Variants in DIPK1B observed in about 807,000 individuals in gnomAD.
The protein encoded by DIPK1B is family with sequence similarity 69 member B.
Under a neutral mutation model 20.7 loss-of-function variants are expected in DIPK1B, and 17 were observed. That is an observed-to-expected ratio of 0.82 (90% CI 0.56 to 1.23). The LOEUF is 1.23. DIPK1B is among the 50% of genes most tolerant of loss of function. The pLI is 0.00. For synonymous variants in DIPK1B, 343 were observed against 276.5 expected (o/e 1.24, Z -2.39); for missense variants, 648 against 601.8 (o/e 1.08, Z -0.80).
chr9:136,722,537 C>G lies in DIPK1B; in HGVS notation c.483+236C>G, dbSNP rs1366090733. On this transcript the variant is annotated intron_variant, in intron 4 of 4. Transcript: ENST00000371692. ...GCTGGCAGCTGAGGTCGAGGGGAGG[C>G]TCCTGCAGTCAAGGGCCGTGTGTCC... is the stretch of plus-strand genomic sequence containing the variant. 2.2e-5 allele frequency: 13 copies of G among 596,858 alleles called. No homozygotes were observed. In the East Asian group the frequency reaches 3.7e-4, roughly 17 times the overall value. The allele number at this position is 596,858 out of a possible 1,614,324, so 37.0% of individuals were successfully genotyped here. A position where few individuals can be genotyped will look rare whatever the true frequency, so the allele number is the denominator to read the frequency against.
chr9:136,723,366 T>A lies in DIPK1B; in HGVS notation c.888T>A (p.Cys296Ter). The A allele has an allele frequency of 6.2e-7, 1 of 1,613,358 alleles. No individual in the cohort carries two copies. Among genetic ancestry groups the A allele is most frequent in the Non-Finnish European group, 8.5e-7 (1 of 1,179,842 alleles). Residue 296 changes from cysteine to a stop codon, truncating the protein, a stop_gained, in exon 5 of 5, where the codon TGT becomes TGA. Transcript: ENST00000371692. LOFTEE classifies it low-confidence loss of function (END_TRUNC). ...GCTCTTACGGGACTTTCTACATGTG[T>A]GAGACCACACTGGCCAACGTGGGCT... ...FHGSYGTFYM[C>*]ETTLANVGYT...
At position 136,721,992 on chromosome 9, in the gene DIPK1B, G is replaced by C. The variant is rs1239212667; in HGVS notation, c.270G>C (p.Glu90Asp). ...ACCTGTGTGAGCTGCATATGGTGGA[G>C]TGGAGGACCTGCCTCTCGGTGGCCC... ...CQDLCELHMV[E>D]WRTCLSVAPG... The change falls in exon 3 of 5, where the codon GAG becomes GAC. Residue 90 changes from glutamate (E) to aspartate (D), a missense_variant. Coordinates refer to ENST00000371692, the MANE Select transcript of DIPK1B (RefSeq NM_152421.4). The C allele has an allele frequency of 6.2e-7, 1 of 1,613,658 alleles. No homozygotes were observed. The highest frequency in any genetic ancestry group is 8.5e-7 in the Non-Finnish European group (1 of 1,179,976).
At chr9:136,713,930 C>T (rs1752442072) in intron 1 of DIPK1B, among the ~76,000 whole-genome samples, 1 of 152,232 alleles carries the variant, frequency 6.6e-6, no homozygotes, top group South Asian at 2.1e-4. Flanking sequence ...CTGTGCTGTT[C>T]CCATCCCCTG....
In DIPK1B at chr9:136,724,010, G is replaced by GTT; in HGVS notation, c.*237_*238insTT. The GTT allele has an allele frequency of 1.8e-6, 1 of 569,742 alleles. No individual in the cohort carries two copies. The highest frequency in any genetic ancestry group is 3.1e-6 in the Non-Finnish European group (1 of 318,600). 35.3% of individuals were successfully genotyped at this position (569,742 alleles called of 1,614,324 possible). On this transcript the variant is annotated 3_prime_UTR_variant, in exon 5 of 5. Coordinates refer to ENST00000371692, the MANE Select transcript of DIPK1B (RefSeq NM_152421.4). ...AAGGGGGTTTGTTACTCTGAAGAAC[G>GTT]TAATGTCAATAAACAGCTTTTATGT...
chr9:136,722,435 C>T, intron 4 of DIPK1B, 134 bp downstream of exon 4: 1 of 1,063,584 alleles, frequency 9.4e-7, no homozygotes, highest in South Asian at 1.6e-5. Context: ...ACCTCCCATC[C>T]CCCAGCCCCT....
intron 2 of DIPK1B, chr9:136,721,469 A>C: frequency 5.7e-6 from 1 of 174,836 alleles, no homozygotes; most frequent in Non-Finnish European, 1.2e-5. Flanking sequence ...AGTCAGGCAG[A>C]GAGCGCGCGT....
rs114959700 is a variant in DIPK1B at position 136,715,375 on chromosome 9, C to T, written c.64-2202C>T. Among the ~76,000 whole-genome samples, 1,232 of 152,284 alleles carry T rather than the reference C, an allele frequency of 8.1e-3. 18 individuals are homozygous for T. The highest frequency in any genetic ancestry group is 0.028 in the African/African-American group (1,168 of 41,562). ...AGCTTGGAGGCCTGCACCCTAGAGC[C>T]GGTGCCTGAGCCTCCTCAGGCCGGT... On this transcript the variant is annotated intron_variant, in intron 1 of 4. Transcript: ENST00000371692.
Position 136,723,509 on chromosome 9 carries a change from G to T in DIPK1B, c.1031G>T (p.Arg344Leu). The T allele has an allele frequency of 6.2e-7, 1 of 1,603,144 alleles. No individual in the cohort carries two copies. Among genetic ancestry groups the T allele is most frequent in the Non-Finnish European group, 8.5e-7 (1 of 1,175,080 alleles). Reference sequence around the variant, plus strand: ...CACAGCACCGACTGCACCTACGGGCGCGACTGCAGGGCCCCGTGTGACAGG... The same window carrying T: ...CACAGCACCGACTGCACCTACGGGCTCGACTGCAGGGCCCCGTGTGACAGG... ...CEHSTDCTYGRDCRAPCDRLM... is the reference protein window; with the variant it reads ...CEHSTDCTYGLDCRAPCDRLM... Residue 344 changes from arginine to leucine, a missense_variant, in exon 5 of 5, where the codon CGC (arginine) becomes CTC (leucine). Physicochemically the swap from Arg to Leu is moderately radical, Grantham distance 102 (BLOSUM62 -2). Coordinates refer to ENST00000371692, the MANE Select transcript of DIPK1B (RefSeq NM_152421.4).
Position 136,713,589 on chromosome 9 carries a change from C to T in DIPK1B, c.63+861C>T, listed in dbSNP as rs141005797. ...TTGGGGCTTCAGGTTGTGGTGGTCC[C>T]GGCTCAGCCTTGGGGCAGGGTGAGA... On this transcript the variant is annotated intron_variant, in intron 1 of 4. Transcript: ENST00000371692. Among the ~76,000 whole-genome samples the T allele has an allele frequency of 2.9e-3, 444 of 152,350 alleles. 3 individuals are homozygous for T. Among genetic ancestry groups the T allele is most frequent in the African/African-American group, 0.01 (426 of 41,592 alleles).
chr9:136,719,648 CAGCCTCTGAGGA>C (rs1217108294), intron 2 of DIPK1B, among the ~76,000 whole-genome samples: 1 of 152,210 alleles, frequency 6.6e-6, no homozygotes, highest in African/African-American at 2.4e-5. Flanking sequence ...ACGCCCGCCT[CAGCCTCTGAGGA>C]AGCCTCTCCA....
At chr9:136,720,296 C>T (rs1245499693) in intron 2 of DIPK1B, among the ~76,000 whole-genome samples, 4 of 152,198 alleles carry the variant, frequency 2.6e-5, no homozygotes, top group South Asian at 2.1e-4. Flanking sequence ...GCGGGGTCCT[C>T]GGCCTCCAGT....
chr9:136,721,853 G>A, intron 2 of DIPK1B, 68 bp from the exon 3 acceptor site: 13 of 1,463,232 alleles, frequency 8.9e-6, no homozygotes, highest in Non-Finnish European at 1.2e-5. Flanking sequence ...CTTCGGGCCT[G>A]TGGGCAGGGG....
At chr9:136,721,860 G>T in intron 2 of DIPK1B, 61 bp from the exon 3 acceptor site, 1 of 1,503,820 alleles carries the variant, frequency 6.6e-7, no homozygotes, top group Non-Finnish European at 9.2e-7. Context: ...CCTGTGGGCA[G>T]GGGCTCAGTG....
In DIPK1B at chr9:136,723,592, C is replaced by T. The variant is rs942393299; in HGVS notation, c.1114C>T (p.Leu372=). The change falls in exon 5 of 5, where the codon CTG becomes TTG. Residue 372 remains leucine, a synonymous_variant. Transcript: ENST00000371692. ...IQPNLAKVCA[L]LRGYLLPGAP... is the part of the protein sequence containing the mutation. ...GCCCAACCTGGCCAAGGTGTGCGCA[C>T]TGCTACGGGGCTACCTGCTGCCTGG... The T allele has an allele frequency of 3.1e-6, 5 of 1,594,112 alleles. No individual in the cohort carries two copies. In the African/African-American group the frequency reaches 5.4e-5, roughly 17 times the overall value.
In DIPK1B at chr9:136,722,162, T is replaced by A; in HGVS notation, c.344T>A (p.Ile115Asn). 6.2e-7 allele frequency: 1 copy of A among 1,613,788 alleles called. No homozygotes were observed. The highest frequency in any genetic ancestry group is 8.5e-7 in the Non-Finnish European group (1 of 1,179,910). The change falls in exon 4 of 5, where the codon ATC becomes AAC. Residue 115 changes from isoleucine to asparagine, a missense_variant. Ile to Asn is a moderately radical substitution (Grantham distance 149, BLOSUM62 -3). Transcript: ENST00000371692. Reference protein sequence around the residue: ...SGLWRDKDVTIKCGIEETLDS... With the variant: ...SGLWRDKDVTNKCGIEETLDS... Reference sequence around the variant, plus strand: ...CTCTGGCGGGACAAGGATGTAACCATCAAGTGTGGCATTGAGGAGACCCTC... The same window carrying A: ...CTCTGGCGGGACAAGGATGTAACCAACAAGTGTGGCATTGAGGAGACCCTC...
chr9:136,723,086 G>GT lies in DIPK1B; in HGVS notation c.609dup (p.Asn204Ter). On this transcript the variant is annotated frameshift_variant, in exon 5 of 5. Coordinates refer to ENST00000371692, the MANE Select transcript of DIPK1B (RefSeq NM_152421.4). LOFTEE classifies it low-confidence loss of function (END_TRUNC). Reference sequence around the variant, plus strand: ...AAGTCCGTGTGGGCCCTGCTGCAGCGTAACGAGTTCCTGCTGCTGCTGTCC... The same window carrying GT: ...AAGTCCGTGTGGGCCCTGCTGCAGCGTTAACGAGTTCCTGCTGCTGCTGTCC... 6.2e-7 allele frequency: 1 copy of GT among 1,613,626 alleles called. No individual in the cohort carries two copies. The highest frequency in any genetic ancestry group is 1.3e-5 in the African/African-American group (1 of 75,072).
rs1018279205 is a variant in DIPK1B, at chr9:136,712,808, C to T, written c.63+80C>T. 4.8e-6 allele frequency: 5 copies of T among 1,041,580 alleles called. No homozygotes were observed. Among genetic ancestry groups the T allele is most frequent in the Non-Finnish European group, 6.1e-6 (5 of 814,926 alleles). 64.5% of individuals were successfully genotyped at this position (1,041,580 alleles called of 1,614,324 possible). On this transcript the variant is annotated intron_variant, in intron 1 of 4. Transcript: ENST00000371692. This position sits in a 1 kb window ranked among gnomAD's most constrained non-coding sequence, Gnocchi z 5.6. ...CTCCAGCCCCGGAGTGGGCCGAGTA[C>T]GGAGCGGGGCCCCGGGTTCGGACAC...
intron 1 of DIPK1B, among the ~76,000 whole-genome samples, chr9:136,713,782 G>A (rs1366419516): frequency 6.6e-5 from 10 of 152,238 alleles, no homozygotes; most frequent in East Asian, 1.9e-4. Context: ...TGGCTGGCTC[G>A]GGGCCAGAGC....
chr9:136,713,550 C>T (rs192580133), intron 1 of DIPK1B, among the ~76,000 whole-genome samples: 7 of 152,344 alleles, frequency 4.6e-5, no homozygotes, highest in East Asian at 1.9e-4. Flanking sequence ...TGCAGCGAGA[C>T]CCTCTGTGCC....
Sources: gnomAD v4.1 joint callset for allele counts (sites outside exome capture counted in the v4.1 genomes callset) on GRCh38, gnomAD v4.1.1 for gene constraint, Gnocchi (gnomAD v3.1) non-coding constraint, MANE v1.5 for transcripts, NCBI Gene and HGNC (gene_info 2026-07-23, HGNC 2026-07-21) for gene names.